Variants in CTBP1 observed in about 807,000 individuals in gnomAD.
CTBP1 encodes the protein C-terminal-binding protein 1.
CTBP1 carries 11 observed loss-of-function variants against 42.1 expected under a neutral mutation model. The ratio of observed to expected loss-of-function variants is 0.26; its 90% CI spans 0.16 to 0.43. CTBP1 has a LOEUF of 0.43. Among genes scored for constraint, CTBP1 ranks in the 20% least tolerant of loss-of-function variants. The probability of loss-of-function intolerance (pLI) is 1.00; values close to 1 mark genes in which losing one functional copy is unlikely to be tolerated. For synonymous variants in CTBP1, 324 were observed against 277.1 expected, an observed-to-expected ratio of 1.17 and a Z score of -1.68; for missense variants, 399 against 624.3, an observed-to-expected ratio of 0.64 and a Z score of 3.85.
chr4:1,244,135 G>A (rs1352730398), intron 1 of CTBP1: 1 of 985,226 alleles, frequency 1.0e-6, no homozygotes, highest in African/African-American at 1.7e-5. Flanking sequence ...AGAGCCTCCT[G>A]GCCACATGTC....
rs753553284 is a variant in CTBP1 at position 1,215,031 on chromosome 4, T to A, written c.730-558A>T. On this transcript the variant is annotated intron_variant, in intron 6 of 9. Transcript: ENST00000382952. ...CCAGGGCTTTCCTGCAGCCCCCCCA[T>A]TTCATTCCAAGAAGTCCACCCAGCC... 2.0e-5 allele frequency among the ~76,000 whole-genome samples: 3 copies of A among 152,190 alleles called. No individual in the cohort carries two copies. The South Asian group carries it at 6.2e-4, about 32-fold the overall frequency.
intron 1 of CTBP1, chr4:1,243,151 C>A (rs1045561405): frequency 1.0e-6 from 1 of 985,462 alleles, no homozygotes; most frequent in Admixed American, 6.1e-5. Context: ...CTCAATACTG[C>A]CCACAGCAGC....
rs983153063 is a variant in CTBP1 at position 1,238,449 on chromosome 4, T to C, written c.8-112A>G. The C allele has an allele frequency of 3.1e-6, 4 of 1,276,826 alleles. No homozygotes were observed. Among genetic ancestry groups the C allele is most frequent in the Non-Finnish European group, 4.2e-6 (4 of 944,992 alleles). 79.1% of individuals were successfully genotyped at this position (1,276,826 alleles called of 1,614,324 possible). A position where few individuals can be genotyped will look rare whatever the true frequency, so the allele number is the denominator to read the frequency against. On this transcript the variant is annotated intron_variant, in intron 2 of 9. Coordinates refer to ENST00000382952, the MANE Select transcript of CTBP1 (RefSeq NM_001012614.2). This position sits in a 1 kb window ranked among gnomAD's most constrained non-coding sequence, Gnocchi z 5.9. ...AACGAGGGCCGACCGCCGGGGGTTT[T>C]CTGGTCTATATGTTGTGATATTTGT...
rs147625291 is a variant in CTBP1, at chr4:1,243,626, C to T, written c.-188-2107G>A. 625 of 985,440 alleles carry T rather than the reference C, an allele frequency of 6.3e-4. 3 individuals carry two copies. In the African/African-American group the frequency reaches 9.7e-3, roughly 15 times the overall value. The allele number at this position is 985,440 out of a possible 1,614,324, so 61.0% of individuals were successfully genotyped here. A position where few individuals can be genotyped will look rare whatever the true frequency, so the allele number is the denominator to read the frequency against. ...ACCTGCCCCACTGAGAGCCAGTGTC[C>T]GAGTCCTGGAGCCCTCACCTAGGGC... On this transcript the variant is annotated intron_variant, in intron 1 of 9. Transcript: ENST00000382952.
At chr4:1,215,768 T>C in intron 6 of CTBP1, 1 of 592,630 alleles carries the variant, frequency 1.7e-6, no homozygotes, top group Non-Finnish European at 3.0e-6. Flanking sequence ...AGGTTCTGTC[T>C]TGTCCAGAGA....
chr4:1,227,242 CTG>C (rs1296982457), intron 4 of CTBP1, among the ~76,000 whole-genome samples: 2 of 151,406 alleles, frequency 1.3e-5, no homozygotes, highest in African/African-American at 2.4e-5. Context: ...TGCATGTGTT[CTG>C]TGTGATGAGC....
chr4:1,214,111 CAA>C, intron 7 of CTBP1: 2 of 546,218 alleles, frequency 3.7e-6, no homozygotes, highest in Non-Finnish European at 6.2e-6. Context: ...GAGCCCTGCC[CAA>C]AGAAGGGCTG....
intron 5 of CTBP1, among the ~76,000 whole-genome samples, chr4:1,222,396 CA>C (rs992830545): frequency 2.0e-5 from 3 of 152,156 alleles, no homozygotes; most frequent in African/African-American, 7.2e-5. Context: ...ATCACAAGAT[CA>C]CCACAGACAG....
At chr4:1,229,551 G>C (rs560297163) in intron 3 of CTBP1, among the ~76,000 whole-genome samples, 1 of 152,190 alleles carries the variant, frequency 6.6e-6, no homozygotes, top group Non-Finnish European at 1.5e-5. Context: ...AGAGGTTGCC[G>C]GGGCCTAGGT....
chr4:1,232,584 T>G (rs1260785836), intron 3 of CTBP1, among the ~76,000 whole-genome samples: 2 of 152,204 alleles, frequency 1.3e-5, no homozygotes, highest in Non-Finnish European at 1.5e-5. Flanking sequence ...AGTGCTGGGA[T>G]TATAAGCGTG....
chr4:1,249,622 A>C (rs2108818929), upstream of CTBP1: 4 of 384,550 alleles, frequency 1.0e-5, no homozygotes, highest in South Asian at 1.7e-5. Flanking sequence ...CGGGCCCCCC[A>C]TCGCCCCCAC....
At chr4:1,244,286 G>C in intron 1 of CTBP1, 1 of 984,762 alleles carries the variant, frequency 1.0e-6, no homozygotes, top group Non-Finnish European at 1.2e-6. Context: ...GGTTGCCCCG[G>C]CACACTGGGG....
intron 1 of CTBP1, chr4:1,242,393 C>T (rs755861793): frequency 1.0e-4 from 101 of 985,246 alleles, no homozygotes; most frequent in South Asian, 1.4e-4. Context: ...AGCCCAGCAG[C>T]ATGGCAGGCG....
chr4:1,240,598 C>T lies in CTBP1; in HGVS notation c.7+727G>A, dbSNP rs1201097585. Among the ~76,000 whole-genome samples the T allele has an allele frequency of 4.7e-5, 6 of 128,494 alleles. No homozygotes were observed. In the South Asian group the frequency reaches 1.2e-3, roughly 26 times the overall value. 84.3% of individuals were successfully genotyped at this position (128,494 alleles called of 152,430 possible). ...TCCCGGGTGCTGGGTGAGTGGGAAC[C>T]GGGTCCCTCGTCGGAACCGCGTGGG... On this transcript the variant is annotated intron_variant, in intron 2 of 9. Transcript: ENST00000382952.
intron 1 of CTBP1, chr4:1,243,044 A>G (rs1732342198): frequency 3.2e-5 from 32 of 985,178 alleles, no homozygotes; most frequent in Non-Finnish European, 3.5e-5. Flanking sequence ...GCCAATACTC[A>G]TTGATACCGG....
upstream of CTBP1, chr4:1,249,491 CGCCGCA>C (rs142904753): frequency 2.1e-4 from 33 of 158,064 alleles, no homozygotes; most frequent in South Asian, 8.3e-4. Context: ...CGCTCCTCCG[CGCCGCA>C]GCCGCAGCCG....
At chr4:1,247,770 G>C (rs1056202677) in intron 1 of CTBP1, among the ~76,000 whole-genome samples, 2 of 135,172 alleles carry the variant, frequency 1.5e-5, no homozygotes, top group East Asian at 2.2e-4. Context: ...GCCGGGGAGG[G>C]GGGGGGGGCT....
Position 1,241,535 on chromosome 4 carries a change from A to C in CTBP1, c.-188-16T>G. ...CAAAGTCTTACTAAAAATCAAACACAAGAGACACATTAAAATGCCATCGAA... is the reference window on the plus strand; with the variant it reads ...CAAAGTCTTACTAAAAATCAAACACCAGAGACACATTAAAATGCCATCGAA... On this transcript the variant is annotated splice_polypyrimidine_tract_variant and intron_variant, in intron 1 of 9. Transcript: ENST00000382952. 1 of 1,579,842 alleles carries C rather than the reference A, an allele frequency of 6.3e-7. No individual in the cohort carries two copies.
chr4:1,230,342 G>A lies in CTBP1; in HGVS notation c.163-1999C>T, dbSNP rs1430610143. Among the ~76,000 whole-genome samples the A allele has an allele frequency of 8.5e-5, 13 of 152,330 alleles. No individual in the cohort carries two copies. The East Asian group carries it at 1.7e-3, about 20-fold the overall frequency. On this transcript the variant is annotated intron_variant, in intron 3 of 9. Transcript: ENST00000382952. ...TGCGCTGCGTGGACTGGAGATGGGC[G>A]CCCACACACCAAGGAGGTGCTTCGG... is the stretch of plus-strand genomic sequence containing the variant.
Sources: allele counts gnomAD v4.1 joint callset (sites outside exome capture counted in the v4.1 genomes callset), GRCh38; gene constraint gnomAD v4.1.1; non-coding constraint Gnocchi (gnomAD v3.1); transcripts MANE v1.5; gene names NCBI Gene and HGNC (gene_info 2026-07-23, HGNC 2026-07-21).